CFAP61: variants seen among roughly 807,000 people sequenced by gnomAD.
CFAP61 encodes the protein cilia- and flagella-associated protein 61.
In CFAP61, 107 loss-of-function variants were observed where a neutral mutation model predicts 135.6. The observed-to-expected ratio is 0.79, with a 90% CI of 0.67 to 0.93. CFAP61 has a LOEUF of 0.93. CFAP61 is among the 40% of genes least tolerant of loss of function. The probability of loss-of-function intolerance (pLI) is 0.00; values close to 1 mark genes in which losing one functional copy is unlikely to be tolerated. For missense variants in CFAP61, 1,507 were observed against 1,556.2 expected, an observed-to-expected ratio of 0.97 and a Z score of 0.53; for synonymous variants, 575 against 578.5, an observed-to-expected ratio of 0.99 and a Z score of 0.09.
chr20:20,338,523 T>C (rs2058323998), intron 25 of CFAP61, among the ~76,000 whole-genome samples: 2 of 152,304 alleles, frequency 1.3e-5, no homozygotes, highest in South Asian at 2.1e-4. Context: ...ACCTGGTGCA[T>C]AGTTGAGCGC....
intron 18 of CFAP61, among the ~76,000 whole-genome samples, chr20:20,237,598 C>G (rs2049697495): frequency 6.6e-6 from 1 of 152,200 alleles, no homozygotes; most frequent in Admixed American, 6.5e-5. Flanking sequence ...ACTTTGTGGC[C>G]ATGGATGCAG....
At chr20:20,282,407 T>G (rs2054264446) in intron 22 of CFAP61, among the ~76,000 whole-genome samples, 1 of 152,186 alleles carries the variant, frequency 6.6e-6, no homozygotes, top group African/African-American at 2.4e-5. Flanking sequence ...AAGTCGTTGA[T>G]TTATATAAGC....
chr20:20,113,553 A>T (rs914091578), intron 8 of CFAP61, among the ~76,000 whole-genome samples: 2 of 152,210 alleles, frequency 1.3e-5, no homozygotes, highest in Non-Finnish European at 2.9e-5. Context: ...TAATTTTGAC[A>T]TGGGACAATG....
rs1306581950 is a variant in CFAP61, at chr20:20,355,987, G to GTGA, written c.3514-4222_3514-4221insGAT. ...GGAGGTGATCACACTGTGAGGGGAC[G>GTGA]TCACACTGTGAGGGGAGGTGGTCAC... is the stretch of plus-strand genomic sequence containing the variant. On this transcript the variant is annotated intron_variant, in intron 26 of 26. Coordinates refer to ENST00000245957, the MANE Select transcript of CFAP61 (RefSeq NM_015585.4). 1.3e-3 allele frequency among the ~76,000 whole-genome samples: 4 copies of GTGA among 3,162 alleles called. No homozygotes were observed. In the Admixed American group the frequency reaches 0.062, roughly 49 times the overall value. 2.1% of individuals were successfully genotyped at this position (3,162 alleles called of 152,430 possible).
intron 8 of CFAP61, among the ~76,000 whole-genome samples, chr20:20,138,482 G>GACAGC (rs1383330497): frequency 1.3e-5 from 2 of 150,848 alleles, no homozygotes; most frequent in Non-Finnish European, 2.9e-5. Context: ...GCCTGGTGTT[G>GACAGC]ACAGCACTGC....
At chr20:20,114,220 A>G (rs979113364) in intron 8 of CFAP61, among the ~76,000 whole-genome samples, 2 of 152,198 alleles carry the variant, frequency 1.3e-5, no homozygotes, top group African/African-American at 4.8e-5. Context: ...CAGTGAGCCA[A>G]GATCACACCA....
At chr20:20,280,742 G>T (rs2054144643) in intron 22 of CFAP61, among the ~76,000 whole-genome samples, 1 of 152,170 alleles carries the variant, frequency 6.6e-6, no homozygotes, top group South Asian at 2.1e-4. Context: ...TAAACCTAGA[G>T]ATTGTCTAAG....
intron 8 of CFAP61, among the ~76,000 whole-genome samples, chr20:20,112,383 G>A (rs184417118): frequency 1.3e-4 from 20 of 152,162 alleles, no homozygotes. Flanking sequence ...CCTTGGGAAA[G>A]TTATCTCTTC....
At chr20:20,090,601 A>G (rs2047116566) in intron 6 of CFAP61, among the ~76,000 whole-genome samples, 1 of 151,480 alleles carries the variant, frequency 6.6e-6, no homozygotes, top group South Asian at 2.1e-4. Context: ...GAGGCAGGAG[A>G]ATCGCTTGAA....
At chr20:20,311,103 A>T (rs1168061773) in intron 25 of CFAP61, among the ~76,000 whole-genome samples, 1 of 152,222 alleles carries the variant, frequency 6.6e-6, no homozygotes, top group Non-Finnish European at 1.5e-5. Context: ...GCTACACAGT[A>T]TCTTGAGTGT....
At position 20,075,494 on chromosome 20, in the gene CFAP61, ACT is replaced by A; in HGVS notation, c.449_450del (p.Leu150HisfsTer5). 1 of 1,614,034 alleles carries A rather than the reference ACT, an allele frequency of 6.2e-7. No homozygotes were observed. The highest frequency in any genetic ancestry group is 8.5e-7 in the Non-Finnish European group (1 of 1,179,924). On this transcript the variant is annotated frameshift_variant, in exon 6 of 27. Transcript: ENST00000245957. LOFTEE classifies it high-confidence loss of function. ...IVPSYMSLGS[T>X]LITVFDQVGN... The stretch of plus-strand genomic sequence containing the variant: ...TCTTTATCTCTGTGATTTAGGCTCA[ACT>A]CTCATAACTGTTTTTGACCAAGTGG...
intron 17 of CFAP61, among the ~76,000 whole-genome samples, chr20:20,215,985 G>C (rs2048017755): frequency 6.6e-6 from 1 of 152,132 alleles, no homozygotes; most frequent in African/African-American, 2.4e-5. Flanking sequence ...GTGCCTGTTT[G>C]ATAAATGTTT....
intron 10 of CFAP61, among the ~76,000 whole-genome samples, chr20:20,163,516 A>G (rs1401522087): frequency 6.6e-6 from 1 of 152,172 alleles, no homozygotes; most frequent in Non-Finnish European, 1.5e-5. Flanking sequence ...ATGCAGTTAA[A>G]ATATGGACCC....
At chr20:20,104,968 AC>A (rs2048274680) in intron 8 of CFAP61, among the ~76,000 whole-genome samples, 3 of 152,160 alleles carry the variant, frequency 2.0e-5, no homozygotes, top group African/African-American at 7.2e-5. Context: ...GTCTGCAAAT[AC>A]AGTCCCATTC....
chr20:20,118,286 TTTC>T (rs2049319856), intron 8 of CFAP61, among the ~76,000 whole-genome samples: 5 of 140,608 alleles, frequency 3.6e-5, no homozygotes, highest in Admixed American at 7.3e-5. Flanking sequence ...TCTTTCTTTC[TTTC>T]TTTCTTTCTT....
At chr20:20,155,569 C>T (rs2052829525) in intron 9 of CFAP61, among the ~76,000 whole-genome samples, 1 of 151,878 alleles carries the variant, frequency 6.6e-6, no homozygotes. Flanking sequence ...AATGAATCAG[C>T]AAGAAAGAAA....
rs2053620479 is a variant in CFAP61, at chr20:20,164,045, T to A, written c.1027-5T>A. The A allele has an allele frequency of 6.2e-7, 1 of 1,604,630 alleles. No homozygotes were observed. The highest frequency in any genetic ancestry group is 2.2e-5 in the East Asian group (1 of 44,666). On this transcript the variant is annotated splice_polypyrimidine_tract_variant and splice_region_variant and intron_variant, in intron 10 of 26. Transcript: ENST00000245957. ...TCATTGGCTCCTCCTGTCTCCTTGC[T>A]CTAGGACATAGAAAAACTCAGTGAC... is the stretch of plus-strand genomic sequence containing the variant.
chr20:20,064,949 TCAGGG>T (rs1391102876), intron 2 of CFAP61, among the ~76,000 whole-genome samples: 1 of 152,122 alleles, frequency 6.6e-6, no homozygotes, highest in East Asian at 1.9e-4. Context: ...GGTATAATAA[TCAGGG>T]CAGTGTGGTA....
intron 13 of CFAP61, among the ~76,000 whole-genome samples, chr20:20,179,142 C>T (rs1462234009): frequency 6.6e-6 from 1 of 152,068 alleles, no homozygotes; most frequent in African/African-American, 2.4e-5. Context: ...TAGTCTCTGC[C>T]CCGAAGCTCC....
Sources: allele counts gnomAD v4.1 joint callset (sites outside exome capture counted in the v4.1 genomes callset), GRCh38; gene constraint gnomAD v4.1.1; transcripts MANE v1.5; gene names NCBI Gene and HGNC (gene_info 2026-07-23, HGNC 2026-07-21).